Variants in C22orf42 observed in about 807,000 individuals in gnomAD.
The protein encoded by C22orf42 is chromosome 22 open reading frame 42.
In C22orf42, 24 loss-of-function variants were observed where a neutral mutation model predicts 31.4. That is an observed-to-expected ratio of 0.77 (90% CI 0.55 to 1.08). The LOEUF is 1.08. C22orf42 is among the 50% of genes least tolerant of loss of function. The pLI, the probability that C22orf42 is intolerant of heterozygous loss-of-function variation, is 0.00. For synonymous variants in C22orf42, 96 were observed against 112.7 expected (o/e 0.85, Z 0.94); for missense variants, 276 against 327.3 (o/e 0.84, Z 1.21).
chr22:32,159,505 C>G (rs191567696), upstream of C22orf42: 1 of 1,275,684 alleles, frequency 7.8e-7, no homozygotes. Context: ...TCATCCTGGG[C>G]TGCCTGAGCT....
intron 6 of C22orf42, 178 bp downstream of exon 6, chr22:32,150,814 G>A: frequency 1.5e-6 from 1 of 677,042 alleles, no homozygotes; most frequent in Non-Finnish European, 2.6e-6. Context: ...GAAAGACAGA[G>A]GAGTGACTAC....
intron 2 of C22orf42, among the ~76,000 whole-genome samples, chr22:32,154,015 T>TCACACACACACA (rs111234718): frequency 3.4e-5 from 5 of 146,932 alleles, no homozygotes; most frequent in African/African-American, 1.3e-4. Flanking sequence ...TGAGACCTTT[T>TCACACACACACA]CACACACACA....
intron 3 of C22orf42, 42 bp from the exon 4 acceptor site, chr22:32,152,136 A>G (rs1036366898): frequency 4.4e-6 from 7 of 1,591,546 alleles, no homozygotes; most frequent in Non-Finnish European, 6.0e-6. Flanking sequence ...TGAGGATCAG[A>G]TCATGCTGGG....
At chr22:32,158,515 T>G (rs1278511817) in intron 1 of C22orf42, among the ~76,000 whole-genome samples, 3 of 152,234 alleles carry the variant, frequency 2.0e-5, no homozygotes, top group Non-Finnish European at 2.9e-5. Flanking sequence ...TCAATGTGAC[T>G]TAAAACCATC....
intron 5 of C22orf42, among the ~76,000 whole-genome samples, 199 bp downstream of exon 5, chr22:32,151,288 G>C (rs556927754): frequency 0.032 from 4,870 of 152,220 alleles, 259 homozygotes; most frequent in African/African-American, 0.11. Context: ...CTACCAAACA[G>C]TTTGTAAGTG....
At position 32,149,502 on chromosome 22, in the gene C22orf42, G is replaced by A. The variant is rs756045642; in HGVS notation, c.*38C>T. 15 of 1,501,738 alleles carry A rather than the reference G, an allele frequency of 1.0e-5. No homozygotes were observed. Among genetic ancestry groups the A allele is most frequent in the African/African-American group, 4.2e-5 (3 of 71,724 alleles). 93.0% of individuals were successfully genotyped at this position (1,501,738 alleles called of 1,614,324 possible). ...ATTCATAAAATGATTTGAGCTGGGC[G>A]TGATGGCAGGCGTCTGTAATCCCAG... On this transcript the variant is annotated 3_prime_UTR_variant, in exon 9 of 9. Coordinates refer to ENST00000382097, the MANE Select transcript of C22orf42 (RefSeq NM_001010859.3).
intron 8 of C22orf42, 29 bp downstream of exon 8, chr22:32,149,724 T>G: frequency 1.3e-5 from 15 of 1,158,282 alleles, no homozygotes; most frequent in Non-Finnish European, 1.7e-5. Context: ...CATATATATC[T>G]ATATATATCT....
At chr22:32,158,107 G>A (rs1475177416) in intron 1 of C22orf42, among the ~76,000 whole-genome samples, 8 of 151,902 alleles carry the variant, frequency 5.3e-5, no homozygotes, top group African/African-American at 1.9e-4. Flanking sequence ...CACAAATTTC[G>A]GACTGCTTTG....
intron 1 of C22orf42, 57 bp downstream of exon 1, chr22:32,158,927 G>A: frequency 6.3e-7 from 1 of 1,585,728 alleles, no homozygotes; most frequent in Non-Finnish European, 8.6e-7. Flanking sequence ...CAAAGGGGTG[G>A]GGGCGGTGGT....
intron 1 of C22orf42, among the ~76,000 whole-genome samples, chr22:32,157,832 A>G: frequency 6.6e-6 from 1 of 152,246 alleles, no homozygotes; most frequent in Non-Finnish European, 1.5e-5. Flanking sequence ...ACAATGGCCG[A>G]CCCCACAGAC....
intron 5 of C22orf42, 75 bp downstream of exon 5, chr22:32,151,411 GA>G (rs1920975272): frequency 7.0e-7 from 1 of 1,425,030 alleles, no homozygotes. Context: ...AGTCAAAAAT[GA>G]TATTCATTTG....
At chr22:32,150,052 A>T (rs2094109889) in intron 7 of C22orf42, 1 of 546,172 alleles carries the variant, frequency 1.8e-6, no homozygotes, top group African/African-American at 1.9e-5. Flanking sequence ...GATAGTTTGT[A>T]AGTGATGCGC....
intron 1 of C22orf42, 71 bp downstream of exon 1, chr22:32,158,913 A>T: frequency 6.5e-7 from 1 of 1,530,790 alleles, no homozygotes; most frequent in Non-Finnish European, 9.0e-7. Context: ...AGGGTGAGGG[A>T]CTGCAAAGGG....
chr22:32,152,595 G>T lies in C22orf42; in HGVS notation c.339C>A (p.His113Gln), dbSNP rs146441767. ...GPTEDVQASAHGGVEENMTSD... is the reference protein window; with the variant it reads ...GPTEDVQASAQGGVEENMTSD... ...ATGTCATATTCTCCTCCACACCGCC[G>T]TGTGCAGACGCCTGCACATCTTCAG... Residue 113 changes from histidine to glutamine, a missense_variant, in exon 3 of 9, where the codon CAC becomes CAA. Coordinates refer to ENST00000382097, the MANE Select transcript of C22orf42 (RefSeq NM_001010859.3). 10 of 1,613,408 alleles carry T rather than the reference G, an allele frequency of 6.2e-6. No homozygotes were observed. The Admixed American group carries it at 1.2e-4, about 19-fold the overall frequency.
chr22:32,158,259 CCCTT>C (rs1921382317), intron 1 of C22orf42, among the ~76,000 whole-genome samples: 1 of 152,176 alleles, frequency 6.6e-6, no homozygotes, highest in Admixed American at 6.5e-5. Context: ...ATCACACTTT[CCCTT>C]CCTTGTCTAC....
At chr22:32,159,352 G>A, upstream of C22orf42, 1 of 1,441,962 alleles carries the variant, frequency 6.9e-7, no homozygotes, top group Non-Finnish European at 9.1e-7. Flanking sequence ...AACCTCCTAT[G>A]TCACCTGGTT....
rs563830942 is a variant in C22orf42, at chr22:32,149,774, C to T, written c.661G>A (p.Glu221Lys). ...EDLMTPEMAKERYEDYLCWVK... is the reference protein window; with the variant it reads ...EDLMTPEMAKKRYEDYLCWVK... Reference sequence around the variant, plus strand: ...TTACAGAGGTAATCTTCATATCTCTCCTTTGCCTGCAATAGGAGAAAGGAA... The same window carrying T: ...TTACAGAGGTAATCTTCATATCTCTTCTTTGCCTGCAATAGGAGAAAGGAA... The change falls in exon 8 of 9, where the codon GAG becomes AAG. Residue 221 changes from glutamate (E) to lysine (K), a missense_variant. By Grantham distance (56) the Glu-to-Lys change is moderately conservative. Coordinates refer to ENST00000382097, the MANE Select transcript of C22orf42 (RefSeq NM_001010859.3). The T allele has an allele frequency of 2.5e-4, 371 of 1,488,348 alleles. 4 individuals carry two copies. In the South Asian group the frequency reaches 4.4e-3, roughly 18 times the overall value. The allele number at this position is 1,488,348 out of a possible 1,614,324, so 92.2% of individuals were successfully genotyped here. A position where few individuals can be genotyped will look rare whatever the true frequency, so the allele number is the denominator to read the frequency against.
Position 32,159,072 on chromosome 22 carries a change from A to G in C22orf42, c.144T>C (p.Pro48=), listed in dbSNP as rs1921443511. 6 of 1,614,192 alleles carry G rather than the reference A, an allele frequency of 3.7e-6. No individual in the cohort carries two copies. In the East Asian group the frequency reaches 1.3e-4, roughly 36 times the overall value. ...TCTTAGCTTTCAAATCCAATTTGGCAGGCTTTGCAGTGGTGGATGCTGGTG... is the reference window on the plus strand; with the variant it reads ...TCTTAGCTTTCAAATCCAATTTGGCGGGCTTTGCAGTGGTGGATGCTGGTG... ...ATAPASTTAK[P]AKLDLKAKKA... The change falls in exon 1 of 9, where the codon CCT becomes CCC. Residue 48 remains proline (P), a synonymous_variant. Coordinates refer to ENST00000382097, the MANE Select transcript of C22orf42 (RefSeq NM_001010859.3).
upstream of C22orf42, chr22:32,159,503 G>C (rs1921481588): frequency 3.8e-5 from 49 of 1,281,838 alleles, no homozygotes; most frequent in Non-Finnish European, 4.7e-5. Flanking sequence ...ATTCATCCTG[G>C]GCTGCCTGAG....
Sources: gnomAD v4.1 joint callset for allele counts (sites outside exome capture counted in the v4.1 genomes callset) on GRCh38, gnomAD v4.1.1 for gene constraint, MANE v1.5 for transcripts, NCBI Gene and HGNC (gene_info 2026-07-23, HGNC 2026-07-21) for gene names.